NRXN3: variants seen among roughly 807,000 people sequenced by gnomAD.
NRXN3 encodes the protein neurexin 3.
Under a neutral mutation model 137.6 loss-of-function variants are expected in NRXN3, and 32 were observed. The ratio of observed to expected loss-of-function variants is 0.23; its 90% confidence interval spans 0.18 to 0.31. The LOEUF is 0.31. Ranked by LOEUF, NRXN3 falls within the 10% of genes least tolerant of loss-of-function variation. The pLI, the probability that NRXN3 is intolerant of heterozygous loss-of-function variation, is 1.00. For missense variants in NRXN3, 1,574 were observed against 2,062.5 expected, an observed-to-expected ratio of 0.76 and a Z score of 4.59; for synonymous variants, 798 against 784.5, an observed-to-expected ratio of 1.02 and a Z score of -0.29.
chr14:79,130,691 C>T (rs966201332), intron 15 of NRXN3, among the ~76,000 whole-genome samples: 6 of 152,020 alleles, frequency 3.9e-5, no homozygotes, highest in Non-Finnish European at 8.8e-5. Context: ...ACCTTTGTGG[C>T]GTTCTCTGTA....
chr14:78,937,114 C>T (rs1047132317), intron 10 of NRXN3, among the ~76,000 whole-genome samples: 6 of 146,700 alleles, frequency 4.1e-5, no homozygotes, highest in Non-Finnish European at 6.0e-5. Context: ...CCCAGCTACT[C>T]GGGAGGCTGA....
chr14:78,952,736 G>T (rs548059145), intron 10 of NRXN3, among the ~76,000 whole-genome samples: 2 of 152,184 alleles, frequency 1.3e-5, no homozygotes, highest in African/African-American at 2.4e-5. Context: ...TAGAAATTTT[G>T]GTTCATGTGA....
intron 17 of NRXN3, among the ~76,000 whole-genome samples, chr14:79,684,459 T>A (rs2098686601): frequency 6.6e-6 from 1 of 152,200 alleles, no homozygotes; most frequent in South Asian, 2.1e-4. Context: ...ATAAATTCAT[T>A]CTTAGGCAAG....
At chr14:78,785,452 T>C (rs1184917037) in intron 8 of NRXN3, among the ~76,000 whole-genome samples, 4 of 152,206 alleles carry the variant, frequency 2.6e-5, no homozygotes, top group Non-Finnish European at 5.9e-5. Flanking sequence ...CTGGTGTGCC[T>C]CACATGCAAT....
At chr14:78,761,428 C>T (rs1386429920) in intron 8 of NRXN3, among the ~76,000 whole-genome samples, 3 of 152,106 alleles carry the variant, frequency 2.0e-5, no homozygotes, top group African/African-American at 7.2e-5. Context: ...TTTGTGAATG[C>T]GTAGGTGACT....
intron 4 of NRXN3, among the ~76,000 whole-genome samples, chr14:78,333,638 G>C (rs1193504086): frequency 6.6e-6 from 1 of 152,156 alleles, no homozygotes. Flanking sequence ...AGACCTCACT[G>C]AGGATATGAT....
At chr14:79,840,361 C>A (rs748059628) in intron 20 of NRXN3, among the ~76,000 whole-genome samples, 8 of 152,040 alleles carry the variant, frequency 5.3e-5, no homozygotes, top group Non-Finnish European at 8.8e-5. Flanking sequence ...GCTTAGGTAA[C>A]CTGGGATTGT....
At chr14:78,249,813 A>G (rs2068298984) in intron 2 of NRXN3, among the ~76,000 whole-genome samples, 2 of 152,126 alleles carry the variant, frequency 1.3e-5, no homozygotes, top group African/African-American at 4.8e-5. Context: ...GAAACCGAGG[A>G]ACCGAGAAAT....
intron 4 of NRXN3, among the ~76,000 whole-genome samples, chr14:78,371,803 G>T (rs1343801134): frequency 1.3e-5 from 2 of 152,210 alleles, no homozygotes; most frequent in Non-Finnish European, 2.9e-5. Context: ...AAGGATCAAG[G>T]GAACTATTCT....
At chr14:79,714,939 T>C (rs2098818436) in intron 19 of NRXN3, among the ~76,000 whole-genome samples, 1 of 152,152 alleles carries the variant, frequency 6.6e-6, no homozygotes, top group Non-Finnish European at 1.5e-5. Context: ...CTGGTGCTCT[T>C]AAATCCTTTT....
At chr14:78,599,984 ACT>A (rs1283048174) in intron 4 of NRXN3, among the ~76,000 whole-genome samples, 2 of 152,062 alleles carry the variant, frequency 1.3e-5, no homozygotes, top group African/African-American at 4.8e-5. Context: ...AAGTCATGCC[ACT>A]CTTCCTCAGC....
intron 4 of NRXN3, among the ~76,000 whole-genome samples, chr14:78,381,663 C>T (rs34310902): frequency 0.038 from 5,761 of 152,222 alleles, 157 homozygotes; most frequent in Admixed American, 0.067. Context: ...ATAATAGCCC[C>T]AAACTGGAGA....
intron 6 of NRXN3, 91 bp downstream of exon 6, chr14:78,651,417 C>T: frequency 7.3e-7 from 1 of 1,374,042 alleles, no homozygotes; most frequent in Non-Finnish European, 1.0e-6. Context: ...GATCTGTCCT[C>T]AAATCTATGA....
At chr14:78,792,967 C>A (rs2098810229) in intron 8 of NRXN3, among the ~76,000 whole-genome samples, 1 of 152,100 alleles carries the variant, frequency 6.6e-6, no homozygotes. Context: ...TGTTACCATA[C>A]AATAACTTAA....
intron 4 of NRXN3, among the ~76,000 whole-genome samples, chr14:78,586,428 C>T (rs1405961109): frequency 6.6e-6 from 1 of 152,106 alleles, no homozygotes; most frequent in Non-Finnish European, 1.5e-5. Context: ...CAAGTTACTT[C>T]CCCATAAGGA....
At chr14:79,075,380 T>C (rs551451755) in intron 15 of NRXN3, among the ~76,000 whole-genome samples, 3 of 152,304 alleles carry the variant, frequency 2.0e-5, no homozygotes, top group African/African-American at 7.2e-5. Context: ...CCCAGTTAGA[T>C]TGTAAACTTA....
Position 78,343,875 on chromosome 14 carries a change from T to C in NRXN3, c.757+46015T>C, listed in dbSNP as rs534406569. 5.3e-5 allele frequency among the ~76,000 whole-genome samples: 8 copies of C among 152,286 alleles called. No individual in the cohort carries two copies. In the South Asian group the frequency reaches 1.7e-3, roughly 32 times the overall value. On this transcript the variant is annotated intron_variant, in intron 4 of 20. Coordinates refer to ENST00000335750, the MANE Select transcript of NRXN3 (RefSeq NM_001330195.2). Reference sequence around the variant, plus strand: ...ATGTATTATAAAGCTCCCCAGGAGATTCAGTTGCAATGAAGGTTGAACACA... The same window carrying C: ...ATGTATTATAAAGCTCCCCAGGAGACTCAGTTGCAATGAAGGTTGAACACA...
intron 15 of NRXN3, among the ~76,000 whole-genome samples, chr14:79,341,479 A>G (rs2092608103): frequency 6.6e-6 from 1 of 152,190 alleles, no homozygotes; most frequent in Non-Finnish European, 1.5e-5. Flanking sequence ...GCCCCACTTC[A>G]GACCCACTGA....
intron 10 of NRXN3, among the ~76,000 whole-genome samples, chr14:78,903,919 AC>A (rs2099206239): frequency 6.6e-6 from 1 of 152,010 alleles, no homozygotes; most frequent in African/African-American, 2.4e-5. Flanking sequence ...CCATTGAGAG[AC>A]AAAGTGTTTG....
Sources: allele counts gnomAD v4.1 joint callset (sites outside exome capture counted in the v4.1 genomes callset), GRCh38; gene constraint gnomAD v4.1.1; transcripts MANE v1.5; gene names NCBI Gene and HGNC (gene_info 2026-07-23, HGNC 2026-07-21).